The following GALNT17 variants were observed in gnomAD, a reference collection of about 807,000 sequenced individuals.
GALNT17 encodes UDP-GalNAc:polypeptide N-acetylgalactosaminyltransferase-like 3.
In GALNT17, 29 loss-of-function variants were observed where a neutral mutation model predicts 63.7. The ratio of observed to expected loss-of-function variants is 0.46; its 90% CI spans 0.34 to 0.62. The LOEUF is 0.62. Among genes scored for constraint, GALNT17 ranks in the 20% least tolerant of loss-of-function variants. The probability of loss-of-function intolerance (pLI) is 0.01; values close to 1 mark genes in which losing one functional copy is unlikely to be tolerated. For missense variants in GALNT17, 603 were observed against 799.6 expected (o/e 0.75, Z 2.97); for synonymous variants, 305 against 318.3 (o/e 0.96, Z 0.45).
chr7:71,158,408 T>C (rs1375778568), intron 1 of GALNT17, among the ~76,000 whole-genome samples: 1 of 151,548 alleles, frequency 6.6e-6, no homozygotes, highest in Non-Finnish European at 1.5e-5. Context: ...TTTTTTTTGT[T>C]TTTTGAGATA....
chr7:71,245,251 T>C (rs1289484990), intron 1 of GALNT17, among the ~76,000 whole-genome samples: 1 of 152,180 alleles, frequency 6.6e-6, no homozygotes, highest in African/African-American at 2.4e-5. Context: ...ACCCCACACA[T>C]GATCTATACC....
chr7:71,500,851 C>T (rs1423232657), intron 5 of GALNT17, among the ~76,000 whole-genome samples: 1 of 152,160 alleles, frequency 6.6e-6, no homozygotes, highest in Non-Finnish European at 1.5e-5. Context: ...AGTTTAGCCA[C>T]TCCTCCAAAC....
rs542147664 is a variant in GALNT17 at position 71,412,202 on chromosome 7, G to A, written c.590-3687G>A. Reference sequence around the variant, plus strand: ...CGCCTTTAGTTCCAGCTGCTCGGGAGGCTGAGGCAGGAGGATTGCTTGAGC... The same window carrying A: ...CGCCTTTAGTTCCAGCTGCTCGGGAAGCTGAGGCAGGAGGATTGCTTGAGC... On this transcript the variant is annotated intron_variant, in intron 3 of 10. Transcript: ENST00000333538. 6.6e-5 allele frequency among the ~76,000 whole-genome samples: 10 copies of A among 152,290 alleles called. No homozygotes were observed. In the South Asian group the frequency reaches 2.1e-3, roughly 32 times the overall value.
chr7:71,197,477 G>A (rs1166812113), intron 1 of GALNT17, among the ~76,000 whole-genome samples: 1 of 151,650 alleles, frequency 6.6e-6, no homozygotes, highest in African/African-American at 2.4e-5. Flanking sequence ...CAAAGTGCTG[G>A]GATTACAGGC....
intron 1 of GALNT17, among the ~76,000 whole-genome samples, chr7:71,213,098 A>C (rs1012435081): frequency 6.6e-6 from 1 of 152,136 alleles, no homozygotes; most frequent in Non-Finnish European, 1.5e-5. Context: ...TCTCAACTTG[A>C]GTTGTATCTC....
intron 5 of GALNT17, among the ~76,000 whole-genome samples, chr7:71,550,127 T>C (rs1789051095): frequency 6.6e-6 from 1 of 151,908 alleles, no homozygotes; most frequent in Admixed American, 6.6e-5. Context: ...AAACCACTTC[T>C]TTTCTGATTA....
At chr7:71,535,839 G>A (rs1212106282) in intron 5 of GALNT17, among the ~76,000 whole-genome samples, 2 of 152,170 alleles carry the variant, frequency 1.3e-5, no homozygotes, top group African/African-American at 2.4e-5. Context: ...TTGACTATTG[G>A]TTGGTAAACA....
chr7:71,251,346 G>A (rs976271377), intron 1 of GALNT17, among the ~76,000 whole-genome samples: 3 of 152,184 alleles, frequency 2.0e-5, no homozygotes, highest in Non-Finnish European at 4.4e-5. Flanking sequence ...TCATTCAAAA[G>A]CATGATATAT....
At chr7:71,234,164 A>G (rs1028221812) in intron 1 of GALNT17, among the ~76,000 whole-genome samples, 1 of 152,210 alleles carries the variant, frequency 6.6e-6, no homozygotes, top group Non-Finnish European at 1.5e-5. Context: ...GTTTAGCACA[A>G]CCAACCAGGC....
Position 71,364,500 on chromosome 7 carries a change from A to G in GALNT17, c.423-23735A>G, listed in dbSNP as rs1792465183. ...AGGCAACATACCATTTTGCCAGGTAAATGGCATTCCTGGCAATATTCCTTT... is the reference window on the plus strand; with the variant it reads ...AGGCAACATACCATTTTGCCAGGTAGATGGCATTCCTGGCAATATTCCTTT... On this transcript the variant is annotated intron_variant, in intron 2 of 10. Transcript: ENST00000333538. Among the ~76,000 whole-genome samples, 4 of 152,304 alleles carry G rather than the reference A, an allele frequency of 2.6e-5. No homozygotes were observed. In the South Asian group the frequency reaches 8.3e-4, roughly 32 times the overall value.
intron 6 of GALNT17, among the ~76,000 whole-genome samples, chr7:71,597,086 G>A (rs1789897439): frequency 6.6e-6 from 1 of 152,022 alleles, no homozygotes; most frequent in Non-Finnish European, 1.5e-5. Context: ...TGCCCAGGCT[G>A]GAGTGCAGTG....
At chr7:71,229,817 T>C (rs996794256) in intron 1 of GALNT17, among the ~76,000 whole-genome samples, 4 of 152,220 alleles carry the variant, frequency 2.6e-5, no homozygotes, top group Non-Finnish European at 5.9e-5. Context: ...TGTGACAAGC[T>C]GTGCCCCAGG....
chr7:71,702,378 G>A (rs10950275), intron 9 of GALNT17, among the ~76,000 whole-genome samples: 62,157 of 152,012 alleles, frequency 0.41, 14,427 homozygotes, highest in Non-Finnish European at 0.52. Flanking sequence ...AGGCATGGAC[G>A]GTTCACAGAT....
chr7:71,201,239 T>TATATCTATATATATATA (rs1554338078), intron 1 of GALNT17, among the ~76,000 whole-genome samples: 1 of 101,564 alleles, frequency 9.8e-6, no homozygotes, highest in African/African-American at 3.8e-5. Context: ...GTGTGTTTAT[T>TATATCTATATATATATA]TTTATATATA....
At chr7:71,177,757 C>T (rs534978936) in intron 1 of GALNT17, among the ~76,000 whole-genome samples, 5 of 152,024 alleles carry the variant, frequency 3.3e-5, no homozygotes, top group African/African-American at 7.2e-5. Flanking sequence ...GCTTGTGTCA[C>T]GTTATTTACT....
intron 4 of GALNT17, among the ~76,000 whole-genome samples, chr7:71,418,776 AG>A (rs1786601717): frequency 6.6e-6 from 1 of 152,178 alleles, no homozygotes; most frequent in Non-Finnish European, 1.5e-5. Context: ...TACATTGTCT[AG>A]TAGACAGTAA....
intron 1 of GALNT17, among the ~76,000 whole-genome samples, chr7:71,251,218 ATTG>A (rs1790192362): frequency 6.7e-6 from 1 of 148,706 alleles, no homozygotes; most frequent in Admixed American, 6.8e-5. Flanking sequence ...CACAATGCTT[ATTG>A]TTTAGTTTGG....
intron 1 of GALNT17, among the ~76,000 whole-genome samples, chr7:71,310,676 T>C (rs956787643): frequency 6.6e-6 from 1 of 152,220 alleles, no homozygotes; most frequent in Non-Finnish European, 1.5e-5. Context: ...GCAGGGTGGA[T>C]AGAAAAGGGC....
intron 2 of GALNT17, among the ~76,000 whole-genome samples, chr7:71,357,546 T>G (rs987593716): frequency 2.0e-5 from 3 of 152,100 alleles, no homozygotes; most frequent in Admixed American, 6.6e-5. Flanking sequence ...CACTCAGTGT[T>G]TAAAGGCTGC....
Sources: allele counts gnomAD v4.1 joint callset (sites outside exome capture counted in the v4.1 genomes callset), GRCh38; gene constraint gnomAD v4.1.1; transcripts MANE v1.5; gene names NCBI Gene and HGNC (gene_info 2026-07-23, HGNC 2026-07-21).